RANBP2: variants seen among roughly 807,000 people sequenced by gnomAD.
The protein encoded by RANBP2 is RAN binding protein 2.
In RANBP2, 57 loss-of-function variants were observed where a neutral mutation model predicts 303.6. The ratio of observed to expected loss-of-function variants is 0.19; its 90% CI spans 0.15 to 0.23. RANBP2 has a LOEUF of 0.23. Ranked by LOEUF, RANBP2 falls within the 10% of genes least tolerant of loss-of-function variation. RANBP2 has a pLI of 1.00. For missense variants in RANBP2, 3,138 were observed against 3,780.8 expected (o/e 0.83, Z 4.46); for synonymous variants, 1,167 against 1,301.5 (o/e 0.90, Z 2.23).
the RANBP2 span, among the ~76,000 whole-genome samples, chr2:109,051,204 G>A: frequency 7.2e-3 from 1,103 of 152,286 alleles, 7 homozygotes; most frequent in East Asian, 0.034. Context: ...TGCTTGCAAC[G>A]GCATAGGCTC....
chr2:109,456,525 G>A, the RANBP2 span, among the ~76,000 whole-genome samples: 1 of 152,236 alleles, frequency 6.6e-6, no homozygotes, highest in Non-Finnish European at 1.5e-5. Flanking sequence ...CCCTCAGTGG[G>A]GCAGGGCAGT....
the RANBP2 span, among the ~76,000 whole-genome samples, chr2:109,434,063 A>C: frequency 6.6e-6 from 1 of 152,170 alleles, no homozygotes; most frequent in African/African-American, 2.4e-5. Flanking sequence ...TCAGCCTGCA[A>C]CCGGCCTGTG....
chr2:109,127,445 C>T, the RANBP2 span: 5 of 152,352 alleles, frequency 3.3e-5, no homozygotes, highest in Non-Finnish European at 5.9e-5. Context: ...ATTCTAATGG[C>T]ATGTAAACTT....
the RANBP2 span, among the ~76,000 whole-genome samples, chr2:108,860,869 A>G: frequency 7.0e-6 from 1 of 143,676 alleles, no homozygotes; most frequent in Admixed American, 7.1e-5. Flanking sequence ...TAGTTTCAAT[A>G]GAATTGGTAT....
At chr2:109,292,384 C>T in the RANBP2 span, among the ~76,000 whole-genome samples, 23 of 152,048 alleles carry the variant, frequency 1.5e-4, no homozygotes, top group Admixed American at 1.5e-3. Context: ...AGTTTTGTAT[C>T]CTGGTCTTTT....
At chr2:109,146,065 G>A in the RANBP2 span, among the ~76,000 whole-genome samples, 33 of 152,220 alleles carry the variant, frequency 2.2e-4, no homozygotes, top group Middle Eastern at 3.4e-3. Context: ...GTCCATGCAG[G>A]AAAAGTGCTG....
the RANBP2 span, among the ~76,000 whole-genome samples, chr2:109,105,249 G>C: frequency 1.8e-3 from 273 of 152,314 alleles, 5 homozygotes; most frequent in African/African-American, 6.0e-3. Context: ...GAATTTAACC[G>C]ATATATGACC....
the RANBP2 span, among the ~76,000 whole-genome samples, chr2:109,536,945 G>T: frequency 6.6e-6 from 1 of 152,182 alleles, no homozygotes; most frequent in East Asian, 1.9e-4. Context: ...CACCATGATT[G>T]TGAGGCTTCC....
At chr2:108,960,289 G>A in the RANBP2 span, among the ~76,000 whole-genome samples, 1 of 152,188 alleles carries the variant, frequency 6.6e-6, no homozygotes, top group Non-Finnish European at 1.5e-5. Context: ...GAGCTGGTTT[G>A]ACACTTTCCT....
At chr2:109,355,122 C>G in the RANBP2 span, among the ~76,000 whole-genome samples, 6 of 152,222 alleles carry the variant, frequency 3.9e-5, no homozygotes, top group Middle Eastern at 3.4e-3. Flanking sequence ...GGTGTATTTT[C>G]AAAACTTGGA....
chr2:109,696,665 A>G, the RANBP2 span, among the ~76,000 whole-genome samples: 1 of 152,236 alleles, frequency 6.6e-6, no homozygotes, highest in African/African-American at 2.4e-5. Context: ...AGTTTAAAAA[A>G]ACCTGCTGAG....
At chr2:109,104,303 T>C in the RANBP2 span, among the ~76,000 whole-genome samples, 1 of 152,144 alleles carries the variant, frequency 6.6e-6, no homozygotes, top group Non-Finnish European at 1.5e-5. Context: ...TCTAGTTTAA[T>C]GTTAATGCTG....
chr2:109,521,973 AC>A, the RANBP2 span, among the ~76,000 whole-genome samples: 1 of 152,174 alleles, frequency 6.6e-6, no homozygotes, highest in Admixed American at 6.5e-5. Flanking sequence ...TCCCAGACCC[AC>A]CCGAGGGTCC....
At chr2:108,820,774 T>C in the RANBP2 span, among the ~76,000 whole-genome samples, 16 of 151,242 alleles carry the variant, frequency 1.1e-4, no homozygotes, top group Admixed American at 3.9e-4. Flanking sequence ...CTTAAGACTT[T>C]CTCAGATAAA....
the RANBP2 span, among the ~76,000 whole-genome samples, chr2:109,427,210 C>T: frequency 4.6e-5 from 7 of 152,142 alleles, no homozygotes; most frequent in African/African-American, 1.7e-4. Context: ...CTCAGGTGAT[C>T]CACCTGCCTC....
chr2:109,063,409 C>G, the RANBP2 span, among the ~76,000 whole-genome samples: 6 of 152,174 alleles, frequency 3.9e-5, no homozygotes, highest in Non-Finnish European at 8.8e-5. Flanking sequence ...ACATCAGCAG[C>G]GCCTGGCTTT....
chr2:108,922,763 C>G, the RANBP2 span, among the ~76,000 whole-genome samples: 1 of 152,002 alleles, frequency 6.6e-6, no homozygotes, highest in Non-Finnish European at 1.5e-5. Flanking sequence ...CGTCTCTCCC[C>G]AGACCACACA....
the RANBP2 span, chr2:108,912,604 T>C: frequency 7.2e-7 from 1 of 1,383,424 alleles, no homozygotes. Flanking sequence ...TCATGATCAT[T>C]TCCTCTCCTC....
chr2:109,290,004 CTTGT>C, the RANBP2 span, among the ~76,000 whole-genome samples: 1 of 152,168 alleles, frequency 6.6e-6, no homozygotes, highest in African/African-American at 2.4e-5. Context: ...CTGGGGGGAC[CTTGT>C]TAAAATGCAG....
Sources: gnomAD v4.1 joint callset for allele counts (sites outside exome capture counted in the v4.1 genomes callset) on GRCh38, gnomAD v4.1.1 for gene constraint, MANE v1.5 for transcripts, NCBI Gene and HGNC (gene_info 2026-07-23, HGNC 2026-07-21) for gene names.